The following TNRC6B variants were observed in gnomAD, a reference collection of about 807,000 sequenced individuals.
TNRC6B encodes the protein trinucleotide repeat containing adaptor 6B, also known as trinucleotide repeat-containing gene 6B protein.
TNRC6B carries 52 observed loss-of-function variants against 203.6 expected under a neutral mutation model. That is an observed-to-expected ratio of 0.26 (90% CI 0.20 to 0.32). The LOEUF (loss-of-function observed/expected upper bound fraction) is 0.32, where lower values mean the gene tolerates loss of function less well. TNRC6B is among the 10% of genes least tolerant of loss of function. The pLI is 1.00. For synonymous variants in TNRC6B, 838 were observed against 845.7 expected (o/e 0.99, Z 0.16); for missense variants, 1,923 against 2,286.2 (o/e 0.84, Z 3.24).
intron 1 of TNRC6B, among the ~76,000 whole-genome samples, chr22:40,066,114 G>T (rs1459081629): frequency 6.6e-6 from 1 of 151,990 alleles, no homozygotes; most frequent in Non-Finnish European, 1.5e-5. Flanking sequence ...TCAAGTAAAG[G>T]TATTCCTCTG....
chr22:40,076,363 A>G (rs528106308), intron 1 of TNRC6B, among the ~76,000 whole-genome samples: 1 of 152,324 alleles, frequency 6.6e-6, no homozygotes, highest in East Asian at 1.9e-4. Context: ...GCAGTGAGCC[A>G]TGGTCATTCA....
intron 1 of TNRC6B, among the ~76,000 whole-genome samples, chr22:40,089,223 C>T (rs1250325212): frequency 6.6e-6 from 1 of 151,984 alleles, no homozygotes; most frequent in Admixed American, 6.6e-5. Flanking sequence ...AACTTGATTT[C>T]TTCATAGACT....
At chr22:40,295,683 A>C (rs113460322) in intron 12 of TNRC6B, among the ~76,000 whole-genome samples, 118 of 152,216 alleles carry the variant, frequency 7.8e-4, no homozygotes, top group Non-Finnish European at 1.4e-3. Flanking sequence ...ATGGATAGTA[A>C]GGGTAAAAGC....
intron 1 of TNRC6B, among the ~76,000 whole-genome samples, chr22:40,048,322 C>T (rs1001211502): frequency 2.0e-5 from 3 of 152,142 alleles, no homozygotes; most frequent in South Asian, 4.1e-4. Flanking sequence ...AGGTGGATCA[C>T]GAGGTCAGGA....
rs2068163594 is a variant in TNRC6B, at chr22:40,093,309, G to A, written c.-120-23746G>A. Reference sequence around the variant, plus strand: ...GAGACAGAGAAAATGTTAAAGAAAGGTTAAGATGCATGGAAGATAGAATTA... The same window carrying A: ...GAGACAGAGAAAATGTTAAAGAAAGATTAAGATGCATGGAAGATAGAATTA... On this transcript the variant is annotated intron_variant, in intron 1 of 23. Transcript: ENST00000301923. 4.6e-5 allele frequency among the ~76,000 whole-genome samples: 7 copies of A among 152,270 alleles called. No homozygotes were observed. The South Asian group carries it at 1.2e-3, about 27-fold the overall frequency.
chr22:40,059,102 TTC>T (rs1299638571), intron 1 of TNRC6B, among the ~76,000 whole-genome samples: 1 of 152,226 alleles, frequency 6.6e-6, no homozygotes, highest in African/African-American at 2.4e-5. Context: ...GTACAATCTT[TTC>T]TCTGTTTTCC....
At chr22:40,142,975 C>CT (rs1181307040) in intron 3 of TNRC6B, among the ~76,000 whole-genome samples, 1 of 152,106 alleles carries the variant, frequency 6.6e-6, no homozygotes. Flanking sequence ...ACGTTGAAGC[C>CT]TTTGGATGGC....
intron 2 of TNRC6B, among the ~76,000 whole-genome samples, chr22:40,123,599 C>T (rs2068463234): frequency 1.3e-5 from 2 of 152,150 alleles, no homozygotes; most frequent in Non-Finnish European, 2.9e-5. Context: ...CACAGTTAGG[C>T]GGAGAATGGA....
At chr22:40,232,226 A>G (rs1431869665) in intron 1 of TNRC6B, among the ~76,000 whole-genome samples, 1 of 152,238 alleles carries the variant, frequency 6.6e-6, no homozygotes, top group Non-Finnish European at 1.5e-5. Context: ...GCGGCATATC[A>G]TACGGGACAA....
intron 9 of TNRC6B, among the ~76,000 whole-genome samples, chr22:40,278,835 G>A (rs1330800048): frequency 6.6e-6 from 1 of 152,246 alleles, no homozygotes; most frequent in African/African-American, 2.4e-5. Context: ...TGCCTCCCAG[G>A]TTCAAGCGAT....
intron 15 of TNRC6B, 42 bp downstream of exon 15, chr22:40,301,375 C>G (rs1304798154): frequency 6.4e-7 from 1 of 1,572,450 alleles, no homozygotes; most frequent in Admixed American, 1.8e-5. Flanking sequence ...AGAAATCTAC[C>G]TCTCTAGGCC....
intron 1 of TNRC6B, among the ~76,000 whole-genome samples, chr22:40,237,314 T>C (rs1432359076): frequency 1.3e-5 from 2 of 152,170 alleles, no homozygotes; most frequent in Non-Finnish European, 2.9e-5. Context: ...GAGCACATTT[T>C]CTGCCCTGAA....
At chr22:40,149,673 C>A (rs1422268432) in intron 3 of TNRC6B, among the ~76,000 whole-genome samples, 1 of 125,592 alleles carries the variant, frequency 8.0e-6, no homozygotes, top group African/African-American at 3.7e-5. Context: ...CGTCTCCCTC[C>A]CCCGCCAAAA....
chr22:40,298,848 C>T (rs1337570496), intron 12 of TNRC6B, among the ~76,000 whole-genome samples: 3 of 152,126 alleles, frequency 2.0e-5, no homozygotes, highest in Non-Finnish European at 4.4e-5. Flanking sequence ...CGCCTGTAGT[C>T]CCAGCTACTC....
At chr22:40,137,606 T>C (rs992972897) in intron 3 of TNRC6B, among the ~76,000 whole-genome samples, 21 of 152,114 alleles carry the variant, frequency 1.4e-4, no homozygotes, top group African/African-American at 4.8e-4. Flanking sequence ...GAGATGGAGT[T>C]AGAAGCAGAA....
chr22:40,216,652 T>C (rs2069639157), intron 1 of TNRC6B, among the ~76,000 whole-genome samples: 1 of 152,152 alleles, frequency 6.6e-6, no homozygotes, highest in African/African-American at 2.4e-5. Flanking sequence ...CACCTCTATA[T>C]TAAGTGGTTC....
At chr22:40,321,499 A>T (rs1226484288) in intron 22 of TNRC6B, 1 of 371,232 alleles carries the variant, frequency 2.7e-6, no homozygotes, top group African/African-American at 2.0e-5. Context: ...AAGTAACATA[A>T]AGCTAGGGCC....
rs999284663 is a variant in TNRC6B at position 40,220,412 on chromosome 22, C to T, written c.6-25603C>T. On this transcript the variant is annotated intron_variant, in intron 1 of 22. Transcript: ENST00000454349. ...AGGTTTGAGCCCCCTCCACATCCCA[C>T]CCCATTGGGGTGCCTTTGTCACTCT... Among the ~76,000 whole-genome samples the T allele has an allele frequency of 1.4e-3, 211 of 152,128 alleles. 1 individual carries two copies. Among genetic ancestry groups the T allele is most frequent in the Non-Finnish European group, 5.9e-5 (4 of 68,016 alleles).
chr22:40,058,599 A>G (rs1386502884), intron 1 of TNRC6B, among the ~76,000 whole-genome samples: 1 of 152,056 alleles, frequency 6.6e-6, no homozygotes. Context: ...CTTTGCTTTA[A>G]CCTCCTATTT....
Sources: allele counts gnomAD v4.1 joint callset (sites outside exome capture counted in the v4.1 genomes callset), GRCh38; gene constraint gnomAD v4.1.1; transcripts MANE v1.5; gene names NCBI Gene and HGNC (gene_info 2026-07-23, HGNC 2026-07-21).